CNTN5: variants seen among roughly 807,000 people sequenced by gnomAD.
The protein encoded by CNTN5 is contactin-5.
A neutral mutation model predicts 129.1 loss-of-function variants in CNTN5; 77 were observed. The ratio of observed to expected loss-of-function variants is 0.60; its 90% CI spans 0.50 to 0.72. The LOEUF is 0.72. CNTN5 is among the 30% of genes least tolerant of loss of function. The probability of loss-of-function intolerance (pLI) is 0.00; values close to 1 mark genes in which losing one functional copy is unlikely to be tolerated. For missense variants in CNTN5, 1,478 were observed against 1,328.8 expected, an observed-to-expected ratio of 1.11 and a Z score of -1.75; for synonymous variants, 509 against 465.6, an observed-to-expected ratio of 1.09 and a Z score of -1.20.
intron 1 of CNTN5, among the ~76,000 whole-genome samples, chr11:99,226,070 A>C (rs1860668526): frequency 6.6e-6 from 1 of 152,226 alleles, no homozygotes; most frequent in Admixed American, 6.5e-5. Flanking sequence ...ACAAACTATT[A>C]AGCAAATTTA....
At chr11:99,527,750 G>A (rs1476220487) in intron 2 of CNTN5, among the ~76,000 whole-genome samples, 1 of 152,164 alleles carries the variant, frequency 6.6e-6, no homozygotes, top group Non-Finnish European at 1.5e-5. Flanking sequence ...CAGTACAACT[G>A]CCAGGGCAAT....
At chr11:100,228,798 T>G (rs1272051059) in intron 16 of CNTN5, among the ~76,000 whole-genome samples, 2 of 152,110 alleles carry the variant, frequency 1.3e-5, no homozygotes, top group South Asian at 2.1e-4. Flanking sequence ...GGAATTAGGG[T>G]GAGGTGTACC....
intron 3 of CNTN5, among the ~76,000 whole-genome samples, chr11:99,668,100 C>G (rs555030374): frequency 6.6e-6 from 1 of 152,126 alleles, no homozygotes; most frequent in Non-Finnish European, 1.5e-5. Context: ...TACTGCCACA[C>G]GCAGGATTCA....
At chr11:99,820,224 T>C in intron 4 of CNTN5, among the ~76,000 whole-genome samples, 1 of 152,278 alleles carries the variant, frequency 6.6e-6, no homozygotes, top group Non-Finnish European at 1.5e-5. Context: ...CAATTATAAT[T>C]TAGGATTAAG....
intron 6 of CNTN5, among the ~76,000 whole-genome samples, chr11:99,911,091 C>G (rs887288744): frequency 2.6e-5 from 4 of 152,038 alleles, no homozygotes; most frequent in Admixed American, 2.6e-4. Context: ...ATATGACACT[C>G]AAATGTAATT....
intron 8 of CNTN5, among the ~76,000 whole-genome samples, chr11:99,970,051 T>A (rs1473903276): frequency 6.6e-6 from 1 of 152,196 alleles, no homozygotes; most frequent in African/African-American, 2.4e-5. Context: ...CATTTCTGGG[T>A]CAATTAGACT....
chr11:99,238,436 A>G (rs191254952), intron 1 of CNTN5, among the ~76,000 whole-genome samples: 176 of 152,310 alleles, frequency 1.2e-3, no homozygotes, highest in African/African-American at 4.0e-3. Flanking sequence ...AGAATCATCT[A>G]TCATTGCTGG....
At chr11:99,165,762 TCG>T (rs1860837780) in intron 1 of CNTN5, among the ~76,000 whole-genome samples, 2 of 152,126 alleles carry the variant, frequency 1.3e-5, no homozygotes, top group Admixed American at 1.3e-4. Context: ...AAATAAGAGA[TCG>T]CATCTAGAAA....
At chr11:100,123,315 C>A (rs910320792) in intron 13 of CNTN5, among the ~76,000 whole-genome samples, 2 of 151,880 alleles carry the variant, frequency 1.3e-5, no homozygotes, top group Non-Finnish European at 2.9e-5. Flanking sequence ...TCAGCACTTT[C>A]TTTTATATCT....
intron 2 of CNTN5, among the ~76,000 whole-genome samples, chr11:99,453,020 A>C (rs1944366772): frequency 6.6e-6 from 1 of 152,178 alleles, no homozygotes; most frequent in Admixed American, 6.5e-5. Context: ...TGGGTTCAAA[A>C]CCGGTGTGCT....
chr11:99,417,033 T>A (rs1449600242), intron 2 of CNTN5, among the ~76,000 whole-genome samples: 4 of 152,176 alleles, frequency 2.6e-5, no homozygotes, highest in African/African-American at 9.7e-5. Context: ...CAAACTAGAA[T>A]TGAACAACAA....
intron 2 of CNTN5, among the ~76,000 whole-genome samples, chr11:99,514,574 A>G (rs75262779): frequency 0.066 from 9,988 of 152,078 alleles, 351 homozygotes; most frequent in African/African-American, 0.097. Context: ...CCAGAACCCA[A>G]TAACATTAAG....
intron 3 of CNTN5, among the ~76,000 whole-genome samples, chr11:99,564,484 C>A (rs1359121538): frequency 6.6e-6 from 1 of 151,952 alleles, no homozygotes; most frequent in Non-Finnish European, 1.5e-5. Context: ...GTCCTAAACT[C>A]ATTAGCTGAA....
chr11:99,205,126 GA>G (rs1341542608), intron 1 of CNTN5, among the ~76,000 whole-genome samples: 3 of 150,444 alleles, frequency 2.0e-5, no homozygotes, highest in African/African-American at 7.4e-5. Context: ...TGCTTCTTTA[GA>G]ATTGATTTAG....
rs544190254 is a variant in CNTN5 at position 99,084,504 on chromosome 11, C to G, written c.-210+63234C>G. The stretch of plus-strand genomic sequence containing the variant: ...ATACAGATGATGATATTTGTGTTGT[C>G]CAGTGTACTGTTAAATACTTTTAAC... On this transcript the variant is annotated intron_variant, in intron 1 of 24. Coordinates refer to ENST00000524871, the MANE Select transcript of CNTN5 (RefSeq NM_014361.4). Among the ~76,000 whole-genome samples, 8 of 152,224 alleles carry G rather than the reference C, an allele frequency of 5.3e-5. No homozygotes were observed. In the East Asian group the frequency reaches 1.5e-3, roughly 29 times the overall value.
intron 1 of CNTN5, among the ~76,000 whole-genome samples, chr11:99,168,351 C>T (rs1177544131): frequency 5.9e-5 from 9 of 151,812 alleles, no homozygotes; most frequent in Admixed American, 1.3e-4. Context: ...GGTGGGGGGA[C>T]GGCAGGTCAC....
At chr11:99,395,693 TA>T (rs1941483826) in intron 2 of CNTN5, among the ~76,000 whole-genome samples, 2 of 151,976 alleles carry the variant, frequency 1.3e-5, no homozygotes, top group South Asian at 4.1e-4. Context: ...TTTAAGTCTT[TA>T]ATCCATCTCG....
At chr11:99,061,964 TG>T (rs1196020373) in intron 1 of CNTN5, among the ~76,000 whole-genome samples, 1 of 150,550 alleles carries the variant, frequency 6.6e-6, no homozygotes, top group East Asian at 2.0e-4. Flanking sequence ...CTCACTCCAG[TG>T]TGGGCAACAG....
At chr11:99,534,183 C>T (rs1010947644) in intron 2 of CNTN5, among the ~76,000 whole-genome samples, 7 of 152,064 alleles carry the variant, frequency 4.6e-5, no homozygotes, top group Admixed American at 3.3e-4. Flanking sequence ...ATACTTTTTG[C>T]GACTTGGTCA....
Sources: gnomAD v4.1 joint callset for allele counts (sites outside exome capture counted in the v4.1 genomes callset) on GRCh38, gnomAD v4.1.1 for gene constraint, MANE v1.5 for transcripts, NCBI Gene and HGNC (gene_info 2026-07-23, HGNC 2026-07-21) for gene names.